The following CTNNA3 variants were observed in gnomAD, a reference collection of about 807,000 sequenced individuals.
The protein encoded by CTNNA3 is catenin alpha 3.
In CTNNA3, 76 loss-of-function variants were observed where a neutral mutation model predicts 95.7. That is an observed-to-expected ratio of 0.79 (90% CI 0.66 to 0.96). CTNNA3 has a LOEUF of 0.96. CTNNA3 is among the 40% of genes least tolerant of loss of function. CTNNA3 has a pLI of 0.00. For synonymous variants in CTNNA3, 431 were observed against 374.4 expected (o/e 1.15, Z -1.74); for missense variants, 1,191 against 1,089.8 (o/e 1.09, Z -1.31).
chr10:66,095,862 GC>G (rs1227714742), intron 14 of CTNNA3, among the ~76,000 whole-genome samples: 1 of 151,840 alleles, frequency 6.6e-6, no homozygotes, highest in Non-Finnish European at 1.5e-5. Flanking sequence ...AGATTCAATG[GC>G]CCCAGAGATT....
chr10:67,429,694 T>C (rs978352477), intron 5 of CTNNA3, among the ~76,000 whole-genome samples: 1 of 152,056 alleles, frequency 6.6e-6, no homozygotes, highest in African/African-American at 2.4e-5. Context: ...GTGTAGGTTT[T>C]TTTCTACATG....
At chr10:67,113,053 A>G (rs770785903) in intron 7 of CTNNA3, among the ~76,000 whole-genome samples, 1 of 152,116 alleles carries the variant, frequency 6.6e-6, no homozygotes, top group Non-Finnish European at 1.5e-5. Context: ...CATGGTGACC[A>G]TGTTAAGACT....
At chr10:67,013,883 T>C (rs1160053508) in intron 7 of CTNNA3, among the ~76,000 whole-genome samples, 1 of 152,156 alleles carries the variant, frequency 6.6e-6, no homozygotes, top group Non-Finnish European at 1.5e-5. Flanking sequence ...TGATCTCTGA[T>C]ATCTAGCCTT....
chr10:67,275,642 G>C (rs115245229), intron 5 of CTNNA3, among the ~76,000 whole-genome samples: 2,428 of 151,906 alleles, frequency 0.016, 67 homozygotes, highest in African/African-American at 0.054. Context: ...AATTCAAAAG[G>C]GTACCTCTAA....
chr10:67,743,370 C>G (rs1184565550), intron 1 of CTNNA3, among the ~76,000 whole-genome samples: 1 of 151,140 alleles, frequency 6.6e-6, no homozygotes, highest in Non-Finnish European at 1.5e-5. Context: ...TAAATGTAAT[C>G]CAGCATATAA....
intron 11 of CTNNA3, among the ~76,000 whole-genome samples, chr10:66,402,717 G>A (rs1214957162): frequency 1.3e-5 from 2 of 152,040 alleles, no homozygotes; most frequent in Admixed American, 6.6e-5. Context: ...GAAGATAATC[G>A]TAGCCTAAAA....
intron 5 of CTNNA3, among the ~76,000 whole-genome samples, chr10:67,428,817 A>G (rs976014555): frequency 1.3e-5 from 2 of 152,000 alleles, no homozygotes; most frequent in African/African-American, 4.8e-5. Flanking sequence ...ACCAGCCTAC[A>G]TATTTCTCCC....
chr10:66,136,452 C>T (rs11815000), intron 13 of CTNNA3, among the ~76,000 whole-genome samples: 16,601 of 151,172 alleles, frequency 0.11, 1,232 homozygotes, highest in African/African-American at 0.21. Context: ...CTACTTTTTA[C>T]TAAATTGGAT....
chr10:66,273,377 G>T (rs930718916), intron 13 of CTNNA3, among the ~76,000 whole-genome samples: 2 of 152,234 alleles, frequency 1.3e-5, no homozygotes, highest in South Asian at 2.1e-4. Flanking sequence ...TCAGAAGAGT[G>T]CACGATTTAA....
At chr10:67,593,290 G>A (rs1349086281) in intron 3 of CTNNA3, among the ~76,000 whole-genome samples, 5 of 152,150 alleles carry the variant, frequency 3.3e-5, no homozygotes, top group Admixed American at 2.0e-4. Context: ...ATGAGTGTAT[G>A]TGTCTTTTTG....
intron 7 of CTNNA3, among the ~76,000 whole-genome samples, chr10:66,858,232 T>A (rs1274804007): frequency 3.9e-5 from 6 of 152,158 alleles, no homozygotes; most frequent in Non-Finnish European, 8.8e-5. Context: ...TGAACCAACC[T>A]TGCATCCCAG....
chr10:67,366,673 G>A (rs1302745457), intron 5 of CTNNA3, among the ~76,000 whole-genome samples: 1 of 151,660 alleles, frequency 6.6e-6, no homozygotes, highest in Non-Finnish European at 1.5e-5. Context: ...TAGATTAATG[G>A]GACAGAATAG....
intron 6 of CTNNA3, among the ~76,000 whole-genome samples, chr10:67,206,584 G>C (rs1018142556): frequency 1.3e-5 from 2 of 151,074 alleles, no homozygotes; most frequent in African/African-American, 4.9e-5. Context: ...AAGAGGGAGG[G>C]AGGAAGAAAA....
intron 5 of CTNNA3, among the ~76,000 whole-genome samples, chr10:67,304,949 G>A (rs1840476756): frequency 6.6e-6 from 1 of 151,938 alleles, no homozygotes; most frequent in Non-Finnish European, 1.5e-5. Context: ...CAAAGAAGAA[G>A]CTATATATAA....
intron 5 of CTNNA3, among the ~76,000 whole-genome samples, chr10:67,434,171 C>G (rs1008484631): frequency 6.6e-6 from 1 of 152,010 alleles, no homozygotes; most frequent in Non-Finnish European, 1.5e-5. Context: ...AGAGCCACAG[C>G]TTTGGAATGA....
chr10:66,529,894 T>C (rs1250806572), intron 10 of CTNNA3, among the ~76,000 whole-genome samples: 3 of 152,162 alleles, frequency 2.0e-5, no homozygotes, highest in African/African-American at 7.2e-5. Flanking sequence ...AAAAGTCATA[T>C]TACCTCTCCA....
At chr10:65,981,758 A>T (rs1022391386) in intron 16 of CTNNA3, among the ~76,000 whole-genome samples, 3 of 151,946 alleles carry the variant, frequency 2.0e-5, no homozygotes, top group Admixed American at 6.6e-5. Context: ...AGGACACCCT[A>T]TATGACAAAT....
At chr10:66,762,543 T>C (rs1170670113) in intron 9 of CTNNA3, among the ~76,000 whole-genome samples, 1 of 151,772 alleles carries the variant, frequency 6.6e-6, no homozygotes, top group East Asian at 2.0e-4. Flanking sequence ...ATAATAGATG[T>C]GGTGACACAT....
At chr10:66,342,871 T>C (rs1223298982) in intron 12 of CTNNA3, among the ~76,000 whole-genome samples, 1 of 152,150 alleles carries the variant, frequency 6.6e-6, no homozygotes, top group Non-Finnish European at 1.5e-5. Flanking sequence ...ATGACAACTA[T>C]ATGTAAAGAA....
Sources: gnomAD v4.1 joint callset for allele counts (sites outside exome capture counted in the v4.1 genomes callset) on GRCh38, gnomAD v4.1.1 for gene constraint, MANE v1.5 for transcripts, NCBI Gene and HGNC (gene_info 2026-07-23, HGNC 2026-07-21) for gene names.